Variants in CADM2 observed in about 807,000 individuals in gnomAD.
CADM2 encodes immunoglobulin superfamily member 4D.
Under a neutral mutation model 49.8 loss-of-function variants are expected in CADM2, and 12 were observed. The ratio of observed to expected loss-of-function variants is 0.24; its 90% CI spans 0.15 to 0.39. CADM2 has a LOEUF of 0.39. CADM2 is among the 10% of genes least tolerant of loss of function. The pLI, the probability that CADM2 is intolerant of heterozygous loss-of-function variation, is 1.00. For synonymous variants in CADM2, 214 were observed against 175.4 expected, an observed-to-expected ratio of 1.22 and a Z score of -1.74; for missense variants, 378 against 492.3, an observed-to-expected ratio of 0.77 and a Z score of 2.20.
At chr3:85,275,760 C>T (rs1310161577) in intron 1 of CADM2, among the ~76,000 whole-genome samples, 2 of 150,880 alleles carry the variant, frequency 1.3e-5, no homozygotes, top group African/African-American at 4.8e-5. Flanking sequence ...TTTATTGAAA[C>T]CAACTATATA....
At chr3:85,995,086 CTACACAAACAGACAACAGCTGT>C (rs1409658482) in intron 8 of CADM2, among the ~76,000 whole-genome samples, 1 of 141,840 alleles carries the variant, frequency 7.1e-6, no homozygotes, top group Non-Finnish European at 1.5e-5. Context: ...GAAATATAGG[CTACACAAACAGACAACAGCTGT>C]TAGTGTTTTA....
intron 1 of CADM2, among the ~76,000 whole-genome samples, chr3:85,615,297 C>T (rs764387991): frequency 6.6e-6 from 1 of 151,710 alleles, no homozygotes; most frequent in Non-Finnish European, 1.5e-5. Flanking sequence ...CTCAGTTTTC[C>T]AGGATTAATA....
chr3:85,487,901 T>C (rs1409871377), intron 1 of CADM2, among the ~76,000 whole-genome samples: 3 of 152,152 alleles, frequency 2.0e-5, no homozygotes, highest in Non-Finnish European at 4.4e-5. Flanking sequence ...GTCCCCACTT[T>C]AGTGAGTATA....
intron 1 of CADM2, among the ~76,000 whole-genome samples, chr3:85,222,583 CAT>C (rs1175352846): frequency 2.6e-5 from 4 of 152,140 alleles, no homozygotes; most frequent in South Asian, 2.1e-4. Flanking sequence ...TAATCTGTAA[CAT>C]GTGTAATCCA....
At chr3:85,110,680 T>G (rs2038419782) in intron 1 of CADM2, among the ~76,000 whole-genome samples, 1 of 151,914 alleles carries the variant, frequency 6.6e-6, no homozygotes, top group Non-Finnish European at 1.5e-5. Flanking sequence ...AGCTGGCAAA[T>G]ACACGCATAT....
chr3:85,751,739 C>A (rs2107862023), intron 2 of CADM2, among the ~76,000 whole-genome samples: 1 of 152,274 alleles, frequency 6.6e-6, no homozygotes, highest in Non-Finnish European at 1.5e-5. Context: ...CTTTTAAAAA[C>A]TCGACAACCA....
chr3:85,514,947 T>C (rs1427641990), intron 1 of CADM2, among the ~76,000 whole-genome samples: 1 of 152,194 alleles, frequency 6.6e-6, no homozygotes, highest in Non-Finnish European at 1.5e-5. Flanking sequence ...TCACATTCAC[T>C]GAAAGAGAAG....
intron 1 of CADM2, among the ~76,000 whole-genome samples, chr3:85,713,979 CT>C: frequency 6.6e-6 from 1 of 152,122 alleles, no homozygotes; most frequent in East Asian, 1.9e-4. Context: ...GCACAACATT[CT>C]GGAGGTCACA....
intron 1 of CADM2, among the ~76,000 whole-genome samples, chr3:85,612,816 A>G (rs2063712855): frequency 6.6e-6 from 1 of 151,778 alleles, no homozygotes; most frequent in Admixed American, 6.6e-5. Context: ...AATTTTTGTT[A>G]TTACCATGAT....
chr3:86,024,792 A>G (rs546153974), intron 8 of CADM2, among the ~76,000 whole-genome samples: 5 of 152,184 alleles, frequency 3.3e-5, no homozygotes, highest in Middle Eastern at 6.8e-3. Flanking sequence ...AGGATGCTCT[A>G]TTAGTGTCAG....
chr3:85,246,987 A>G (rs919653516), intron 1 of CADM2, among the ~76,000 whole-genome samples: 2 of 151,574 alleles, frequency 1.3e-5, no homozygotes, highest in African/African-American at 4.9e-5. Context: ...TTTAATCTCT[A>G]TATGATATAT....
At chr3:85,610,863 A>T (rs1475936867) in intron 1 of CADM2, among the ~76,000 whole-genome samples, 1 of 151,970 alleles carries the variant, frequency 6.6e-6, no homozygotes, top group African/African-American at 2.4e-5. Context: ...GAACAACTTG[A>T]TATAGACTGT....
chr3:85,448,287 C>T (rs1433731166), intron 1 of CADM2, among the ~76,000 whole-genome samples: 2 of 147,776 alleles, frequency 1.4e-5, no homozygotes, highest in Non-Finnish European at 3.0e-5. Context: ...GAGCCGAGAT[C>T]GCGCCACTGC....
intron 1 of CADM2, among the ~76,000 whole-genome samples, chr3:85,322,400 A>G (rs1275138240): frequency 6.6e-6 from 1 of 152,176 alleles, no homozygotes; most frequent in African/African-American, 2.4e-5. Context: ...CACATGTCTC[A>G]TGCAGAGGAA....
intron 1 of CADM2, among the ~76,000 whole-genome samples, chr3:85,311,873 C>T (rs1204191431): frequency 6.6e-6 from 1 of 152,054 alleles, no homozygotes; most frequent in African/African-American, 2.4e-5. Flanking sequence ...ATAAATCCTC[C>T]AGCAGAAAAC....
intron 5 of CADM2, among the ~76,000 whole-genome samples, chr3:85,901,788 C>T (rs748232718): frequency 6.6e-6 from 1 of 152,066 alleles, no homozygotes; most frequent in Non-Finnish European, 1.5e-5. Context: ...GTGATAACTC[C>T]CGACTTTCCC....
At chr3:85,508,181 A>G (rs1485058418) in intron 1 of CADM2, among the ~76,000 whole-genome samples, 1 of 152,090 alleles carries the variant, frequency 6.6e-6, no homozygotes, top group Non-Finnish European at 1.5e-5. Context: ...ATGAGCACGT[A>G]TTGTTTTCTG....
At chr3:85,986,968 C>T (rs1025320366) in intron 8 of CADM2, among the ~76,000 whole-genome samples, 4 of 151,928 alleles carry the variant, frequency 2.6e-5, no homozygotes, top group Non-Finnish European at 5.9e-5. Context: ...GCATCGAGTG[C>T]TAAAGTTTTT....
At chr3:85,723,325 C>G (rs1367549643) in intron 1 of CADM2, among the ~76,000 whole-genome samples, 2 of 152,086 alleles carry the variant, frequency 1.3e-5, no homozygotes, top group Non-Finnish European at 1.5e-5. Flanking sequence ...TTTATTTTAT[C>G]TATAAACAGT....
Sources: allele counts gnomAD v4.1 joint callset (sites outside exome capture counted in the v4.1 genomes callset), GRCh38; gene constraint gnomAD v4.1.1; transcripts MANE v1.5; gene names NCBI Gene and HGNC (gene_info 2026-07-23, HGNC 2026-07-21).